UTS2: variants seen among roughly 807,000 people sequenced by gnomAD.
UTS2 encodes urotensin 2, also known as urotensin-2.
A neutral mutation model predicts 12.6 loss-of-function variants in UTS2; 10 were observed. The ratio of observed to expected loss-of-function variants is 0.80; its 90% CI spans 0.49 to 1.35. The LOEUF (loss-of-function observed/expected upper bound fraction) is 1.35, where lower values mean the gene tolerates loss of function less well. UTS2 is among the 40% of genes most tolerant of loss of function. The pLI is 0.00. For synonymous variants in UTS2, 52 were observed against 50.0 expected (o/e 1.04, Z -0.17); for missense variants, 142 against 143.2 (o/e 0.99, Z 0.04).
the UTS2 span, among the ~76,000 whole-genome samples, chr1:7,870,857 GGTT>G: frequency 0.028 from 4,282 of 152,268 alleles, 92 homozygotes; most frequent in Non-Finnish European, 0.037. Context: ...ACAAAATTGA[GGTT>G]TTTTACTCGT....
chr1:7,878,105 G>A, the UTS2 span, among the ~76,000 whole-genome samples: 1 of 152,214 alleles, frequency 6.6e-6, no homozygotes, highest in Admixed American at 6.5e-5. Flanking sequence ...GGCCTTACAG[G>A]CCAGGAGAGA....
At chr1:7,856,863 C>T (rs1638319807), upstream of UTS2, among the ~76,000 whole-genome samples, 3 of 152,106 alleles carry the variant, frequency 2.0e-5, no homozygotes, top group Admixed American at 1.3e-4. Flanking sequence ...GCGTTTGAGA[C>T]CAGCCTGGCC....
At chr1:7,882,477 G>A in the UTS2 span, among the ~76,000 whole-genome samples, 1 of 152,090 alleles carries the variant, frequency 6.6e-6, no homozygotes, top group East Asian at 1.9e-4. Context: ...AGAAAACATA[G>A]GGGAAATGCT....
chr1:7,887,399 G>A, the UTS2 span, among the ~76,000 whole-genome samples: 3 of 152,050 alleles, frequency 2.0e-5, no homozygotes, highest in Non-Finnish European at 4.4e-5. Flanking sequence ...GCAATGTAGA[G>A]ACTAAAAGTA....
the UTS2 span, among the ~76,000 whole-genome samples, chr1:7,883,407 G>C: frequency 3.9e-3 from 594 of 152,156 alleles, 5 homozygotes; most frequent in Non-Finnish European, 6.9e-3. Context: ...AAGAGAGGTT[G>C]GTTAATGGGT....
the UTS2 span, among the ~76,000 whole-genome samples, chr1:7,876,395 C>T: frequency 8.0e-6 from 1 of 124,488 alleles, no homozygotes; most frequent in Admixed American, 9.9e-5. Flanking sequence ...GATGGGTCCA[C>T]CCAGCCTGTT....
chr1:7,894,142 T>TTC, the UTS2 span, among the ~76,000 whole-genome samples: 18 of 151,820 alleles, frequency 1.2e-4, no homozygotes, highest in African/African-American at 4.1e-4. Flanking sequence ...CTTTTTTTTT[T>TTC]TTCTTCTTCT....
the UTS2 span, among the ~76,000 whole-genome samples, chr1:7,902,173 C>G: frequency 8.2e-6 from 1 of 122,364 alleles, no homozygotes; most frequent in Admixed American, 9.1e-5. Flanking sequence ...TCAGACACAG[C>G]CTTTGGGCTC....
chr1:7,877,148 A>G, the UTS2 span, among the ~76,000 whole-genome samples: 6,940 of 103,746 alleles, frequency 0.067, 579 homozygotes, highest in African/African-American at 0.22. Flanking sequence ...AAAAAGAAAA[A>G]AAAAAGAAAC....
At chr1:7,866,971 G>A in the UTS2 span, among the ~76,000 whole-genome samples, 1 of 152,204 alleles carries the variant, frequency 6.6e-6, no homozygotes, top group Non-Finnish European at 1.5e-5. The surrounding 1 kb of genome is among the most constrained non-coding windows in gnomAD (Gnocchi z 4.5). Context: ...CTGGGTTCTA[G>A]CGATTCTCTT....
chr1:7,898,876 G>T, the UTS2 span, among the ~76,000 whole-genome samples: 2 of 152,126 alleles, frequency 1.3e-5, no homozygotes, highest in East Asian at 1.9e-4. Flanking sequence ...CTATACAGTT[G>T]GCTGGGTTAC....
the UTS2 span, among the ~76,000 whole-genome samples, chr1:7,896,965 T>C: frequency 6.6e-6 from 1 of 151,802 alleles, no homozygotes; most frequent in African/African-American, 2.4e-5. Flanking sequence ...CCCAAATTGC[T>C]GGGATTACAG....
chr1:7,849,419 CA>C (rs2151382028), intron 3 of UTS2, among the ~76,000 whole-genome samples: 1 of 152,214 alleles, frequency 6.6e-6, no homozygotes, highest in African/African-American at 2.4e-5. Context: ...CCATGTTGGC[CA>C]GGCTGGTCTC....
chr1:7,911,398 G>A, the UTS2 span, among the ~76,000 whole-genome samples: 2 of 151,954 alleles, frequency 1.3e-5, no homozygotes, highest in South Asian at 4.1e-4. Context: ...CTTGATTTGT[G>A]TGAGGCACTG....
intron 1 of UTS2, among the ~76,000 whole-genome samples, chr1:7,852,520 A>G (rs1402547174): frequency 6.6e-6 from 1 of 152,196 alleles, no homozygotes; most frequent in Non-Finnish European, 1.5e-5. Context: ...TCCATTAATA[A>G]TCTATAATTA....
At chr1:7,856,437 A>G (rs1309269619), upstream of UTS2, among the ~76,000 whole-genome samples, 3 of 152,224 alleles carry the variant, frequency 2.0e-5, no homozygotes, top group Non-Finnish European at 4.4e-5. Flanking sequence ...GCATCTGAGC[A>G]GGAGCCGAAA....
Position 7,849,628 on chromosome 1 carries a change from A to C in UTS2, c.258+12T>G. ...ACCTTTTTAAACCTAACTCATAAAT[A>C]GAGTCACTTACCTTTCTCAAATTTC... On this transcript the variant is annotated intron_variant, in intron 3 of 3. Coordinates refer to ENST00000361696, the MANE Select transcript of UTS2 (RefSeq NM_006786.4). The C allele has an allele frequency of 6.2e-7, 1 of 1,605,328 alleles. No individual in the cohort carries two copies. Among genetic ancestry groups the C allele is most frequent in the Non-Finnish European group, 8.5e-7 (1 of 1,176,452 alleles).
the UTS2 span, among the ~76,000 whole-genome samples, chr1:7,889,581 G>T: frequency 6.6e-6 from 1 of 152,298 alleles, no homozygotes; most frequent in Non-Finnish European, 1.5e-5. Context: ...AAGGCAGATG[G>T]ATCACTTGAG....
the UTS2 span, among the ~76,000 whole-genome samples, chr1:7,862,514 T>C: frequency 6.6e-6 from 1 of 152,058 alleles, no homozygotes. Flanking sequence ...AGAGTCTTAT[T>C]TGGCTCACAG....
Sources: allele counts gnomAD v4.1 joint callset (sites outside exome capture counted in the v4.1 genomes callset), GRCh38; gene constraint gnomAD v4.1.1; non-coding constraint Gnocchi (gnomAD v3.1); transcripts MANE v1.5; gene names NCBI Gene and HGNC (gene_info 2026-07-23, HGNC 2026-07-21).